The following LPP variants were observed in gnomAD, a reference collection of about 807,000 sequenced individuals.
LPP encodes LIM domain containing preferred translocation partner in lipoma, also known as lipoma-preferred partner.
A neutral mutation model predicts 60.4 loss-of-function variants in LPP; 38 were observed. That is an observed-to-expected ratio of 0.63 (90% CI 0.49 to 0.83). The LOEUF is 0.83. LPP is among the 40% of genes least tolerant of loss of function. The probability of loss-of-function intolerance (pLI) is 0.00; values close to 1 mark genes in which losing one functional copy is unlikely to be tolerated. For synonymous variants in LPP, 328 were observed against 290.8 expected (o/e 1.13, Z -1.30); for missense variants, 902 against 783.6 (o/e 1.15, Z -1.80).
intron 2 of LPP, among the ~76,000 whole-genome samples, chr3:188,226,920 A>C (rs1326059227): frequency 1.3e-5 from 2 of 152,220 alleles, no homozygotes; most frequent in East Asian, 3.8e-4. Flanking sequence ...CACTGGTTTG[A>C]TGCTTAAACC....
intron 4 of LPP, among the ~76,000 whole-genome samples, chr3:188,453,374 A>G (rs1797024721): frequency 6.6e-6 from 1 of 151,592 alleles, no homozygotes; most frequent in Non-Finnish European, 1.5e-5. Flanking sequence ...TGGGGTTTCT[A>G]AACACTCTTC....
At chr3:188,446,354 T>A (rs924015375) in intron 4 of LPP, among the ~76,000 whole-genome samples, 1 of 152,202 alleles carries the variant, frequency 6.6e-6, no homozygotes, top group African/African-American at 2.4e-5. Context: ...CCAGACGCCG[T>A]GCCAGTCAGG....
At chr3:188,622,761 G>A (rs1354337060) in intron 7 of LPP, among the ~76,000 whole-genome samples, 1 of 152,012 alleles carries the variant, frequency 6.6e-6, no homozygotes, top group Non-Finnish European at 1.5e-5. Flanking sequence ...CAGGCACAGT[G>A]GCTCACACCT....
In LPP at chr3:188,736,722, GGATA is replaced by G. The variant is rs928392555; in HGVS notation, c.1241-23378_1241-23375del. On this transcript the variant is annotated intron_variant, in intron 8 of 11. Coordinates refer to ENST00000617246, the MANE Select transcript of LPP (RefSeq NM_001375462.1). ...ATTTATCAGTAATAGATACATAGAT[GGATA>G]GATAGATAGATACATAGACATCTAT... Among the ~76,000 whole-genome samples the G allele has an allele frequency of 8.3e-4, 126 of 151,350 alleles. 1 individual carries two copies. The highest frequency in any genetic ancestry group is 2.4e-3 in the African/African-American group (101 of 41,328).
intron 4 of LPP, among the ~76,000 whole-genome samples, chr3:188,417,137 T>C (rs1786517043): frequency 1.3e-5 from 2 of 152,204 alleles, no homozygotes; most frequent in African/African-American, 2.4e-5. Flanking sequence ...CTGAGTCTTC[T>C]AGCAGTTTGC....
At chr3:188,357,398 G>A (rs571464436) in intron 3 of LPP, among the ~76,000 whole-genome samples, 97 of 152,226 alleles carry the variant, frequency 6.4e-4, no homozygotes, top group South Asian at 3.9e-3. Flanking sequence ...GAGTGGTTAC[G>A]TCTATAGTTT....
chr3:188,408,257 G>T (rs1784130170), intron 4 of LPP, among the ~76,000 whole-genome samples: 1 of 152,146 alleles, frequency 6.6e-6, no homozygotes, highest in Non-Finnish European at 1.5e-5. Context: ...TTGTAGGTAT[G>T]AGAGTTCTTA....
At chr3:188,434,788 C>A (rs1285425350) in intron 4 of LPP, among the ~76,000 whole-genome samples, 1 of 152,102 alleles carries the variant, frequency 6.6e-6, no homozygotes. Context: ...AATGATGGAT[C>A]GAATTAGATG....
At chr3:188,783,425 G>A (rs1344696202) in intron 9 of LPP, among the ~76,000 whole-genome samples, 1 of 152,154 alleles carries the variant, frequency 6.6e-6, no homozygotes, top group Non-Finnish European at 1.5e-5. Context: ...GGAGCTAGAG[G>A]CCATTATCCT....
chr3:188,644,682 A>C (rs185772526), intron 7 of LPP, among the ~76,000 whole-genome samples: 1 of 152,330 alleles, frequency 6.6e-6, no homozygotes, highest in Admixed American at 6.5e-5. Context: ...GGTTTTTATA[A>C]TGTGGAAGCC....
At chr3:188,353,599 T>A (rs904065517) in intron 3 of LPP, among the ~76,000 whole-genome samples, 1 of 152,226 alleles carries the variant, frequency 6.6e-6, no homozygotes, top group African/African-American at 2.4e-5. Context: ...TACTTCTGCT[T>A]TCCCCCACTA....
At chr3:188,241,970 T>C (rs575698924) in intron 2 of LPP, among the ~76,000 whole-genome samples, 1 of 152,264 alleles carries the variant, frequency 6.6e-6, no homozygotes, top group Non-Finnish European at 1.5e-5. Flanking sequence ...CTGGTAGATT[T>C]CATGATTCTG....
chr3:188,432,100 T>C (rs1045355865), intron 4 of LPP, among the ~76,000 whole-genome samples: 1 of 152,160 alleles, frequency 6.6e-6, no homozygotes, highest in African/African-American at 2.4e-5. Flanking sequence ...CTTCATAGCA[T>C]TATTTGAAGT....
chr3:188,831,603 G>A (rs992092651), intron 9 of LPP, among the ~76,000 whole-genome samples: 2 of 152,210 alleles, frequency 1.3e-5, no homozygotes, highest in Non-Finnish European at 2.9e-5. Flanking sequence ...TCTTTCCGGT[G>A]TTCCATGTAC....
intron 2 of LPP, among the ~76,000 whole-genome samples, chr3:188,335,989 C>T (rs1264685366): frequency 6.6e-6 from 1 of 152,160 alleles, no homozygotes; most frequent in Non-Finnish European, 1.5e-5. Flanking sequence ...GCTTCTAAAG[C>T]TACGTTCAAT....
chr3:188,823,250 G>C (rs16863622), intron 9 of LPP, among the ~76,000 whole-genome samples: 37,052 of 152,020 alleles, frequency 0.24, 6,076 homozygotes, highest in East Asian at 0.8. Context: ...CTTTGCTCAA[G>C]CTGGACCTTT....
At chr3:188,154,980 T>C (rs1162247859) in intron 1 of LPP, among the ~76,000 whole-genome samples, 1 of 152,178 alleles carries the variant, frequency 6.6e-6, no homozygotes, top group Non-Finnish European at 1.5e-5. Flanking sequence ...AGGAGTTTCC[T>C]GAAGCCAGCT....
intron 7 of LPP, among the ~76,000 whole-genome samples, chr3:188,674,672 A>T (rs937646967): frequency 6.6e-6 from 1 of 152,190 alleles, no homozygotes; most frequent in Non-Finnish European, 1.5e-5. Flanking sequence ...TTTAATCTTC[A>T]TAATAACCCT....
At chr3:188,784,064 C>A (rs1740741334) in intron 9 of LPP, among the ~76,000 whole-genome samples, 2 of 151,866 alleles carry the variant, frequency 1.3e-5, no homozygotes, top group South Asian at 4.2e-4. Flanking sequence ...AATCTTTTAT[C>A]CCTCGTCCCC....
Sources: allele counts gnomAD v4.1 joint callset (sites outside exome capture counted in the v4.1 genomes callset), GRCh38; gene constraint gnomAD v4.1.1; transcripts MANE v1.5; gene names NCBI Gene and HGNC (gene_info 2026-07-23, HGNC 2026-07-21).